The following PLCE1 variants were observed in gnomAD, a reference collection of about 807,000 sequenced individuals.
PLCE1 encodes phospholipase C epsilon 1.
Under a neutral mutation model 242.8 loss-of-function variants are expected in PLCE1, and 119 were observed. That is an observed-to-expected ratio of 0.49 (90% CI 0.42 to 0.57). PLCE1 has a LOEUF of 0.57. Ranked by LOEUF, PLCE1 falls within the 20% of genes least tolerant of loss-of-function variation. PLCE1 has a pLI of 0.00. For missense variants in PLCE1, 2,441 were observed against 2,788.8 expected (o/e 0.88, Z 2.81); for synonymous variants, 945 against 1,017.4 (o/e 0.93, Z 1.35).
At chr10:94,287,717 T>C (rs996239759) in intron 22 of PLCE1, among the ~76,000 whole-genome samples, 9 of 152,112 alleles carry the variant, frequency 5.9e-5, no homozygotes, top group Admixed American at 4.6e-4. Context: ...CCTGGGTTTT[T>C]TTCTCCTTCT....
intron 4 of PLCE1, among the ~76,000 whole-genome samples, chr10:94,195,420 T>C (rs2048789295): frequency 6.6e-6 from 1 of 152,088 alleles, no homozygotes; most frequent in East Asian, 1.9e-4. Flanking sequence ...AAGAAAGAAG[T>C]CCCTGTGTAA....
At chr10:94,046,405 G>C (rs1244742940) in intron 2 of PLCE1, among the ~76,000 whole-genome samples, 2 of 152,222 alleles carry the variant, frequency 1.3e-5, no homozygotes, top group Non-Finnish European at 2.9e-5. Context: ...TATGGTCTGG[G>C]CTGCAAGGAA....
chr10:94,002,973 A>C (rs1475550569), intron 1 of PLCE1, among the ~76,000 whole-genome samples: 1 of 152,258 alleles, frequency 6.6e-6, no homozygotes, highest in Non-Finnish European at 1.5e-5. Flanking sequence ...CACTCGAGGA[A>C]TACCAGTTCT....
intron 8 of PLCE1, 84 bp from the exon 9 acceptor site, chr10:94,252,232 T>A (rs538091843): frequency 5.1e-4 from 652 of 1,281,374 alleles, no homozygotes; most frequent in Non-Finnish European, 6.7e-4. Flanking sequence ...TTCCACCTCT[T>A]GGAATTTTCT....
chr10:94,280,013 C>G, intron 20 of PLCE1, 102 bp downstream of exon 20: 1 of 1,176,530 alleles, frequency 8.5e-7, no homozygotes, highest in Non-Finnish European at 1.3e-6. Flanking sequence ...ACCAGTAATA[C>G]GGATGGTTGT....
rs1395047913 is a variant in PLCE1 at position 94,313,281 on chromosome 10, T to C, written c.6031T>C (p.Leu2011=). Reference sequence around the variant, plus strand: ...GTTTAATACAGAAGAAAGAAAATGTTTGCAGACTCACAGAGTCACGGTGCA... The same window carrying C: ...GTTTAATACAGAAGAAAGAAAATGTCTGCAGACTCACAGAGTCACGGTGCA... The part of the protein sequence containing the change: ...SMFNTEERKC[L]QTHRVTVHGV... The change falls in exon 28 of 33, where the codon TTG becomes CTG. Residue 2011 remains leucine, a synonymous_variant. Coordinates refer to ENST00000371380, the MANE Select transcript of PLCE1 (RefSeq NM_016341.4). 6.2e-7 allele frequency: 1 copy of C among 1,614,176 alleles called. No homozygotes were observed. The highest frequency in any genetic ancestry group is 8.5e-7 in the Non-Finnish European group (1 of 1,179,990).
At chr10:94,185,842 A>G (rs961985302) in intron 4 of PLCE1, among the ~76,000 whole-genome samples, 12 of 152,230 alleles carry the variant, frequency 7.9e-5, no homozygotes, top group African/African-American at 2.7e-4. Flanking sequence ...GGCTTTTGTC[A>G]GGCACAGCTC....
At chr10:94,067,978 G>A (rs1398321558) in intron 2 of PLCE1, among the ~76,000 whole-genome samples, 2 of 152,110 alleles carry the variant, frequency 1.3e-5, no homozygotes, top group Non-Finnish European at 1.5e-5. Flanking sequence ...CTAAGATAGG[G>A]GCTGAACCCC....
intron 7 of PLCE1, among the ~76,000 whole-genome samples, chr10:94,244,510 T>C (rs1411815078): frequency 6.6e-6 from 1 of 152,222 alleles, no homozygotes; most frequent in Non-Finnish European, 1.5e-5. Flanking sequence ...TCTCTGATCC[T>C]CTTGGCTCAA....
chr10:94,152,978 A>G (rs1282847950), intron 3 of PLCE1, among the ~76,000 whole-genome samples: 7 of 152,188 alleles, frequency 4.6e-5, no homozygotes, highest in Non-Finnish European at 1.0e-4. Flanking sequence ...TGTGATAATA[A>G]CAAACAACAA....
At chr10:94,109,378 A>T (rs1253632609) in intron 2 of PLCE1, among the ~76,000 whole-genome samples, 1 of 152,184 alleles carries the variant, frequency 6.6e-6, no homozygotes, top group Non-Finnish European at 1.5e-5. Context: ...ATAAAAAGAA[A>T]ATGTGACCCA....
At chr10:94,173,304 T>C (rs1278548658) in intron 4 of PLCE1, among the ~76,000 whole-genome samples, 2 of 152,110 alleles carry the variant, frequency 1.3e-5, no homozygotes, top group African/African-American at 2.4e-5. Flanking sequence ...CCAAACTGAG[T>C]AAGACAGAAT....
At chr10:94,200,821 C>T (rs2048966231) in intron 4 of PLCE1, among the ~76,000 whole-genome samples, 1 of 152,172 alleles carries the variant, frequency 6.6e-6, no homozygotes, top group African/African-American at 2.4e-5. Flanking sequence ...CATTTGACCT[C>T]CGTGGTCTTC....
chr10:94,077,241 T>C (rs2044530967), intron 2 of PLCE1, among the ~76,000 whole-genome samples: 1 of 152,174 alleles, frequency 6.6e-6, no homozygotes, highest in South Asian at 2.1e-4. Context: ...TTTTCAGTTG[T>C]CAACAACTGG....
At chr10:94,151,860 A>G (rs1373669734) in intron 3 of PLCE1, among the ~76,000 whole-genome samples, 2 of 152,182 alleles carry the variant, frequency 1.3e-5, no homozygotes, top group African/African-American at 4.8e-5. Context: ...CTCTATGGTG[A>G]TTTTAATGCA....
intron 4 of PLCE1, among the ~76,000 whole-genome samples, chr10:94,215,487 C>T (rs187294599): frequency 1.3e-5 from 2 of 152,160 alleles, no homozygotes; most frequent in Non-Finnish European, 2.9e-5. Flanking sequence ...GCACAGAGGA[C>T]CCATTAATTA....
At chr10:94,045,765 T>C (rs1362825087) in intron 2 of PLCE1, among the ~76,000 whole-genome samples, 2 of 152,110 alleles carry the variant, frequency 1.3e-5, no homozygotes, top group Non-Finnish European at 2.9e-5. Flanking sequence ...GAGGCAGACA[T>C]GTCTGTCTCT....
chr10:94,051,519 A>G (rs904979199), intron 2 of PLCE1, among the ~76,000 whole-genome samples: 3 of 152,132 alleles, frequency 2.0e-5, no homozygotes, highest in Admixed American at 1.3e-4. Context: ...CATTCAAATA[A>G]TTTTGTAGAT....
intron 3 of PLCE1, among the ~76,000 whole-genome samples, chr10:94,161,954 A>G (rs1335159724): frequency 6.6e-6 from 1 of 152,208 alleles, no homozygotes; most frequent in Non-Finnish European, 1.5e-5. Context: ...ATGCTGGATT[A>G]CGTTTATTGA....
Sources: allele counts gnomAD v4.1 joint callset (sites outside exome capture counted in the v4.1 genomes callset), GRCh38; gene constraint gnomAD v4.1.1; transcripts MANE v1.5; gene names NCBI Gene and HGNC (gene_info 2026-07-23, HGNC 2026-07-21).